Variants in REDIC1 observed in about 807,000 individuals in gnomAD.
REDIC1 encodes regulator of DNA class I crossover intermediates 1.
chr12:39,711,592 T>TGTGTATACACATGC, the REDIC1 span, among the ~76,000 whole-genome samples: 35 of 13,448 alleles, frequency 2.6e-3, no homozygotes, highest in Non-Finnish European at 2.5e-3. Context: ...TGCATGTGTA[T>TGTGTATACACATGC]ATGTGTATAC....
the REDIC1 span, among the ~76,000 whole-genome samples, chr12:39,838,922 C>T: frequency 1.3e-5 from 2 of 152,058 alleles, no homozygotes; most frequent in Non-Finnish European, 2.9e-5. Context: ...AAATGCCTGT[C>T]TCTAGAATGC....
the REDIC1 span, chr12:39,646,183 T>C: frequency 1.0e-5 from 3 of 286,398 alleles, no homozygotes; most frequent in Non-Finnish European, 1.9e-5. Context: ...TATATTGTAA[T>C]GATTTATTTT....
chr12:39,697,631 A>G, the REDIC1 span, among the ~76,000 whole-genome samples: 1 of 152,222 alleles, frequency 6.6e-6, no homozygotes, highest in Non-Finnish European at 1.5e-5. Flanking sequence ...TAAGGGGTAG[A>G]GTTTTTATTA....
the REDIC1 span, among the ~76,000 whole-genome samples, chr12:39,791,187 A>G: frequency 6.6e-6 from 1 of 151,680 alleles, no homozygotes; most frequent in South Asian, 2.1e-4. Flanking sequence ...TTCATGCTAA[A>G]AACTCTCAAT....
At chr12:39,808,415 G>A in the REDIC1 span, among the ~76,000 whole-genome samples, 1 of 152,068 alleles carries the variant, frequency 6.6e-6, no homozygotes, top group African/African-American at 2.4e-5. Flanking sequence ...AAACGACTGT[G>A]TAGAAACATT....
chr12:39,752,402 A>G, the REDIC1 span, among the ~76,000 whole-genome samples: 5 of 152,154 alleles, frequency 3.3e-5, no homozygotes, highest in African/African-American at 9.7e-5. Flanking sequence ...TTTCATCCCA[A>G]CACCATTCCC....
the REDIC1 span, among the ~76,000 whole-genome samples, chr12:39,726,416 G>A: frequency 6.6e-6 from 1 of 152,066 alleles, no homozygotes; most frequent in Non-Finnish European, 1.5e-5. Flanking sequence ...TGCAGTGTTT[G>A]GTTTTCTGTT....
chr12:39,776,691 T>C, the REDIC1 span, among the ~76,000 whole-genome samples: 3 of 151,978 alleles, frequency 2.0e-5, no homozygotes, highest in Admixed American at 6.6e-5. Flanking sequence ...TGAGCAGTAT[T>C]CTAGATTTCC....
At chr12:39,884,711 G>T in the REDIC1 span, among the ~76,000 whole-genome samples, 1 of 152,142 alleles carries the variant, frequency 6.6e-6, no homozygotes, top group African/African-American at 2.4e-5. Flanking sequence ...AGCAGTAAAG[G>T]TAAAGAGCTG....
At chr12:39,652,226 G>A in the REDIC1 span, among the ~76,000 whole-genome samples, 3 of 151,980 alleles carry the variant, frequency 2.0e-5, no homozygotes, top group African/African-American at 7.3e-5. Context: ...ATAAGTCTTT[G>A]TTTTGACATA....
the REDIC1 span, chr12:39,757,957 TTATTA>T: frequency 6.6e-6 from 1 of 152,172 alleles, no homozygotes; most frequent in Non-Finnish European, 1.5e-5. Context: ...CTTTTTCTCC[TTATTA>T]TATTTTGATT....
At chr12:39,664,019 A>G in the REDIC1 span, among the ~76,000 whole-genome samples, 1 of 151,756 alleles carries the variant, frequency 6.6e-6, no homozygotes, top group Non-Finnish European at 1.5e-5. Context: ...TGTTAGTCTA[A>G]TAAGAATTCA....
chr12:39,751,665 A>G, the REDIC1 span, among the ~76,000 whole-genome samples: 1 of 152,230 alleles, frequency 6.6e-6, no homozygotes, highest in Non-Finnish European at 1.5e-5. Context: ...ATGTCCATCA[A>G]TGATAGACTG....
chr12:39,707,978 A>AT, the REDIC1 span, among the ~76,000 whole-genome samples: 27 of 151,930 alleles, frequency 1.8e-4, no homozygotes, highest in African/African-American at 6.0e-4. Flanking sequence ...TCATGGAAAT[A>AT]AGAGGGTAGA....
chr12:39,800,271 A>C, the REDIC1 span, among the ~76,000 whole-genome samples: 1 of 152,226 alleles, frequency 6.6e-6, no homozygotes, highest in South Asian at 2.1e-4. Flanking sequence ...GAATAATATA[A>C]ATAGGAATGC....
chr12:39,834,124 A>T, the REDIC1 span, among the ~76,000 whole-genome samples: 12 of 152,068 alleles, frequency 7.9e-5, no homozygotes, highest in African/African-American at 2.9e-4. Flanking sequence ...TGCAATCTTC[A>T]TGCCTGAAGG....
At chr12:39,669,698 C>T in the REDIC1 span, among the ~76,000 whole-genome samples, 5 of 152,232 alleles carry the variant, frequency 3.3e-5, no homozygotes, top group African/African-American at 7.2e-5. Flanking sequence ...CGGTGGGCTC[C>T]ACCCAGTTGG....
chr12:39,713,597 C>A, the REDIC1 span, among the ~76,000 whole-genome samples: 3 of 145,798 alleles, frequency 2.1e-5, no homozygotes, highest in South Asian at 2.1e-4. Context: ...TGTATAGATA[C>A]GTATATATAC....
chr12:39,714,073 G>A, the REDIC1 span, among the ~76,000 whole-genome samples: 4 of 147,818 alleles, frequency 2.7e-5, 1 homozygote, highest in South Asian at 2.1e-4. Context: ...GTGTATATAC[G>A]TGTATATACA....
Sources: gnomAD v4.1 joint callset for allele counts (sites outside exome capture counted in the v4.1 genomes callset) on GRCh38, gnomAD v4.1.1 for gene constraint, MANE v1.5 for transcripts, NCBI Gene and HGNC (gene_info 2026-07-23, HGNC 2026-07-21) for gene names.